EFL1: variants seen among roughly 807,000 people sequenced by gnomAD.
EFL1 encodes elongation factor-like GTPase 1.
A neutral mutation model predicts 126.7 loss-of-function variants in EFL1; 76 were observed. The ratio of observed to expected loss-of-function variants is 0.60; its 90% CI spans 0.50 to 0.73. The LOEUF is 0.73. Ranked by LOEUF, EFL1 falls within the 30% of genes least tolerant of loss-of-function variation. EFL1 has a pLI of 0.00. For missense variants in EFL1, 1,128 were observed against 1,343.2 expected (o/e 0.84, Z 2.50); for synonymous variants, 410 against 448.4 (o/e 0.91, Z 1.08).
chr15:82,231,513 C>T lies in EFL1; in HGVS notation c.732-542G>A, dbSNP rs571617625. Among the ~76,000 whole-genome samples the T allele has an allele frequency of 2.0e-5, 3 of 152,226 alleles. No homozygotes were observed. The East Asian group carries it at 5.8e-4, about 29-fold the overall frequency. ...ACCGTGGTCTCCAGTCACAGGAAGA[C>T]AGTCAATCAACAACTAAGGGTCCTA... On this transcript the variant is annotated intron_variant, in intron 7 of 19. Coordinates refer to ENST00000268206, the MANE Select transcript of EFL1 (RefSeq NM_024580.6).
intron 7 of EFL1, among the ~76,000 whole-genome samples, chr15:82,233,198 T>C (rs2074840203): frequency 6.6e-6 from 1 of 152,208 alleles, no homozygotes; most frequent in Admixed American, 6.5e-5. Flanking sequence ...TTCTTTTTTA[T>C]CCCGTAGTTA....
chr15:82,179,682 C>T (rs112123875), intron 15 of EFL1, among the ~76,000 whole-genome samples: 1,575 of 152,008 alleles, frequency 0.01, 15 homozygotes, highest in Non-Finnish European at 0.017. Flanking sequence ...TCACAGTGGC[C>T]CTCCCTCCCT....
At chr15:82,157,119 C>T (rs952762445) in intron 17 of EFL1, among the ~76,000 whole-genome samples, 9 of 152,048 alleles carry the variant, frequency 5.9e-5, no homozygotes, top group Non-Finnish European at 1.3e-4. Context: ...TTTGAATATG[C>T]ATAGAACAGT....
chr15:82,219,366 A>G (rs548151031), intron 14 of EFL1, among the ~76,000 whole-genome samples: 9 of 152,342 alleles, frequency 5.9e-5, no homozygotes, highest in Admixed American at 5.2e-4. Flanking sequence ...TGCTCTTATC[A>G]GTTCTTTTCT....
rs542453254 is a variant in EFL1, at chr15:82,224,871, T to C, written c.1292+294A>G. On this transcript the variant is annotated intron_variant, in intron 12 of 19. Coordinates refer to ENST00000268206, the MANE Select transcript of EFL1 (RefSeq NM_024580.6). ...GACAAGGCAGACTTAGATTAGAACT[T>C]GCCTGACATGTTTAATAAAAGTTAA... 1.7e-3 allele frequency among the ~76,000 whole-genome samples: 264 copies of C among 152,318 alleles called. 1 individual carries two copies. The highest frequency in any genetic ancestry group is 2.8e-3 in the Non-Finnish European group (190 of 68,018).
At chr15:82,231,833 G>A (rs2074825591) in intron 7 of EFL1, among the ~76,000 whole-genome samples, 1 of 152,162 alleles carries the variant, frequency 6.6e-6, no homozygotes, top group Non-Finnish European at 1.5e-5. Context: ...AAGACAAGGT[G>A]AAAGGCTGAA....
At chr15:82,155,962 G>C (rs764749672) in intron 17 of EFL1, among the ~76,000 whole-genome samples, 1 of 152,016 alleles carries the variant, frequency 6.6e-6, no homozygotes, top group African/African-American at 2.4e-5. Flanking sequence ...TTCCATATTG[G>C]GGATATAAGT....
At chr15:82,167,207 G>C (rs2074088750) in intron 15 of EFL1, among the ~76,000 whole-genome samples, 2 of 152,190 alleles carry the variant, frequency 1.3e-5, no homozygotes, top group South Asian at 4.1e-4. Context: ...AAGAATTCTA[G>C]TTTTTATAGA....
chr15:82,195,844 C>T (rs2074402628), intron 15 of EFL1, among the ~76,000 whole-genome samples: 1 of 152,060 alleles, frequency 6.6e-6, no homozygotes, highest in South Asian at 2.1e-4. Context: ...AGAATGAGGA[C>T]CCTTGCCCCA....
At chr15:82,180,382 AAC>A (rs1491039275) in intron 15 of EFL1, among the ~76,000 whole-genome samples, 16 of 103,286 alleles carry the variant, frequency 1.5e-4, no homozygotes, top group African/African-American at 8.2e-4. Context: ...ACAAAAAAAA[AAC>A]AAACAAAAAA....
intron 15 of EFL1, among the ~76,000 whole-genome samples, chr15:82,178,878 A>G (rs2074220717): frequency 1.3e-5 from 2 of 152,198 alleles, no homozygotes; most frequent in Admixed American, 6.5e-5. Context: ...ATGGTGGCTC[A>G]CACCTATAAT....
At chr15:82,201,133 C>G (rs1187166065) in intron 15 of EFL1, among the ~76,000 whole-genome samples, 1 of 152,250 alleles carries the variant, frequency 6.6e-6, no homozygotes, top group African/African-American at 2.4e-5. Context: ...ATGATGAACA[C>G]TAAATAGCTT....
chr15:82,185,251 C>T (rs2074292446), intron 15 of EFL1, among the ~76,000 whole-genome samples: 1 of 151,122 alleles, frequency 6.6e-6, no homozygotes, highest in Non-Finnish European at 1.5e-5. Flanking sequence ...CACTGGGTCA[C>T]CTACTTTCAA....
chr15:82,147,151 C>T (rs544449532), intron 18 of EFL1, among the ~76,000 whole-genome samples: 11 of 152,220 alleles, frequency 7.2e-5, no homozygotes, highest in African/African-American at 2.2e-4. Flanking sequence ...TCTGGCTTCA[C>T]GTGTTGTGCT....
In EFL1 at chr15:82,151,931, T is replaced by G. The variant is rs761057550; in HGVS notation, c.2523A>C (p.Glu841Asp). The G allele has an allele frequency of 9.9e-6, 16 of 1,614,012 alleles. No individual in the cohort carries two copies. Among genetic ancestry groups the G allele is most frequent in the Non-Finnish European group, 1.3e-5 (15 of 1,180,036 alleles). The change falls in exon 18 of 20, where the codon GAA becomes GAC. Residue 841 changes from glutamate (E) to aspartate (D), a missense_variant. Glu to Asp is a conservative substitution (Grantham distance 45). Transcript: ENST00000268206. ...CGPNILVNKSEDFQNSVWTGP... is the reference protein window; with the variant it reads ...CGPNILVNKSDDFQNSVWTGP... The stretch of plus-strand genomic sequence containing the variant: ...CTGTCCATACTGAGTTCTGAAAATC[T>G]TCACTTTTATTGACTAGTATGTTGG...
At chr15:82,223,825 C>A (rs1026123496) in intron 12 of EFL1, among the ~76,000 whole-genome samples, 1 of 152,198 alleles carries the variant, frequency 6.6e-6, no homozygotes, top group Non-Finnish European at 1.5e-5. Context: ...ACTCAGTTAG[C>A]CACTCATTCA....
Position 82,233,074 on chromosome 15 carries a change from C to A in EFL1, c.732-2103G>T, listed in dbSNP as rs1367524885. ...ATCAAAATCATAAATTATAGTAAGA[C>A]ATTTGCCCATTTGCTTAGGCTAGGC... On this transcript the variant is annotated intron_variant, in intron 7 of 19. Transcript: ENST00000268206. Among the ~76,000 whole-genome samples, 8 of 152,190 alleles carry A rather than the reference C, an allele frequency of 5.3e-5. No individual in the cohort carries two copies. In the East Asian group the frequency reaches 1.5e-3, roughly 29 times the overall value.
At chr15:82,209,708 A>AAC (rs1027525462) in intron 15 of EFL1, among the ~76,000 whole-genome samples, 2 of 152,204 alleles carry the variant, frequency 1.3e-5, no homozygotes, top group African/African-American at 4.8e-5. Context: ...CAACTTTATA[A>AAC]ACATCAGGTT....
intron 14 of EFL1, among the ~76,000 whole-genome samples, chr15:82,216,253 T>C (rs1187352986): frequency 1.3e-5 from 2 of 152,176 alleles, no homozygotes; most frequent in African/African-American, 4.8e-5. Context: ...TAAATAAACC[T>C]AATACATTCA....
Sources: gnomAD v4.1 joint callset for allele counts (sites outside exome capture counted in the v4.1 genomes callset) on GRCh38, gnomAD v4.1.1 for gene constraint, MANE v1.5 for transcripts, NCBI Gene and HGNC (gene_info 2026-07-23, HGNC 2026-07-21) for gene names.